Variants in OPCML observed in about 807,000 individuals in gnomAD.
OPCML encodes opioid binding protein/cell adhesion molecule like.
In OPCML, 13 loss-of-function variants were observed where a neutral mutation model predicts 37.8. The observed-to-expected ratio is 0.34, with a 90% CI of 0.22 to 0.55. The LOEUF (loss-of-function observed/expected upper bound fraction) is 0.55. Among genes scored for constraint, OPCML ranks in the 20% least tolerant of loss-of-function variants. The pLI is 0.91. For synonymous variants in OPCML, 176 were observed against 168.8 expected (o/e 1.04, Z -0.33); for missense variants, 341 against 435.6 (o/e 0.78, Z 1.93).
intron 2 of OPCML, among the ~76,000 whole-genome samples, chr11:132,752,270 A>C (rs1263841504): frequency 1.3e-5 from 2 of 152,074 alleles, no homozygotes; most frequent in Non-Finnish European, 2.9e-5. Context: ...ATAAAAAAAA[A>C]AAATTAAAAG....
At chr11:133,006,815 G>GT (rs1373664752) in intron 1 of OPCML, 1 of 985,316 alleles carries the variant, frequency 1.0e-6, no homozygotes, top group Non-Finnish European at 1.2e-6. Flanking sequence ...AGCAGGAGCA[G>GT]TGACACCAGG....
At chr11:132,570,399 G>T (rs1171805142) in intron 3 of OPCML, among the ~76,000 whole-genome samples, 1 of 152,068 alleles carries the variant, frequency 6.6e-6, no homozygotes, top group Admixed American at 6.5e-5. Context: ...GTTTTGAGGG[G>T]AAAGTTTGTG....
chr11:133,017,100 C>T (rs1947348378), intron 1 of OPCML, among the ~76,000 whole-genome samples: 1 of 152,090 alleles, frequency 6.6e-6, no homozygotes, highest in Non-Finnish European at 1.5e-5. Flanking sequence ...TTGGTAAGGG[C>T]TCTCTTCTTG....
rs184657939 is a variant in OPCML at position 132,654,477 on chromosome 11, C to T, written c.379+2610G>A. ...ATCTTCCCCAAGAGAAGCACTTCCC[C>T]AAGGGAAGCTCCTCCCCAAGAGAAG... On this transcript the variant is annotated intron_variant, in intron 3 of 7. Transcript: ENST00000524381. 2.1e-3 allele frequency among the ~76,000 whole-genome samples: 319 copies of T among 151,562 alleles called. 2 individuals are homozygous for T. Among genetic ancestry groups the T allele is most frequent in the Middle Eastern group, 3.4e-3 (1 of 292 alleles).
chr11:132,652,755 C>T (rs948421665), intron 3 of OPCML, among the ~76,000 whole-genome samples: 1 of 152,192 alleles, frequency 6.6e-6, no homozygotes, highest in African/African-American at 2.4e-5. Flanking sequence ...CCTCTCCCCT[C>T]AGGGACCTTT....
rs922617206 is a variant in OPCML, at chr11:133,532,292, C to T, written c.33G>A (p.Ser11=). The change falls in exon 1 of 8, where the codon TCG becomes TCA. Residue 11 remains serine (S), a synonymous_variant. Transcript: ENST00000524381. Reference sequence around the variant, plus strand: ...GGATGAAGAGCAGGGCAGTTGTCGCCGAGAAGACGACCCAGTAGGCAGGAT... The same window carrying T: ...GGATGAAGAGCAGGGCAGTTGTCGCTGAGAAGACGACCCAGTAGGCAGGAT... The part of the protein sequence containing the change: MYHPAYWVVF[S]ATTALLFIPG... 5 of 1,613,974 alleles carry T rather than the reference C, an allele frequency of 3.1e-6. No individual in the cohort carries two copies. The highest frequency in any genetic ancestry group is 1.6e-4 in the Middle Eastern group (1 of 6,062).
rs1389971583 is a variant in OPCML at position 133,327,007 on chromosome 11, ATGGG to A, written c.61+205253_61+205256del. ...TATGTGGGTGAGGGGGTGTGGGTGT[ATGGG>A]GAGGGTGTGTGTATGTGGGTGTGGG... On this transcript the variant is annotated intron_variant, in intron 1 of 7. Transcript: ENST00000524381. 9.4e-4 allele frequency among the ~76,000 whole-genome samples: 37 copies of A among 39,348 alleles called. 1 individual carries two copies. The highest frequency in any genetic ancestry group is 3.7e-3 in the African/African-American group (35 of 9,574). The allele number at this position is 39,348 out of a possible 152,430, so 25.8% of individuals were successfully genotyped here.
At chr11:132,763,896 C>T (rs777875316) in intron 2 of OPCML, among the ~76,000 whole-genome samples, 4 of 152,248 alleles carry the variant, frequency 2.6e-5, no homozygotes, top group Non-Finnish European at 4.4e-5. Context: ...ATTTTGCTCA[C>T]AAACACTAGA....
In OPCML at chr11:133,118,530, A is replaced by G. The variant is rs139891749; in HGVS notation, c.62-175520T>C. The G allele has an allele frequency of 1.8e-5, 10 of 563,276 alleles. No homozygotes were observed. In the African/African-American group the frequency reaches 2.0e-4, roughly 11 times the overall value. The allele number at this position is 563,276 out of a possible 1,614,324, so 34.9% of individuals were successfully genotyped here. A position where few individuals can be genotyped will look rare whatever the true frequency, so the allele number is the denominator to read the frequency against. ...AGAGAATTGCTCAGTAGCAAGACTCATGGAGACATGGAAGTCAAGGGGGCT... is the reference window on the plus strand; with the variant it reads ...AGAGAATTGCTCAGTAGCAAGACTCGTGGAGACATGGAAGTCAAGGGGGCT... On this transcript the variant is annotated intron_variant, in intron 1 of 7. Transcript: ENST00000524381.
Position 132,660,826 on chromosome 11 carries a change from A to T in OPCML, c.147-3507T>A, listed in dbSNP as rs573677053. 4.9e-4 allele frequency among the ~76,000 whole-genome samples: 75 copies of T among 152,286 alleles called. No homozygotes were observed. In the South Asian group the frequency reaches 0.016, roughly 32 times the overall value. On this transcript the variant is annotated intron_variant, in intron 2 of 7. Transcript: ENST00000524381. ...GTCGGCTGATGGAGGTGACAAAGAA[A>T]GCCAAAGAAGTTTATCTCCTGGACG... is the stretch of plus-strand genomic sequence containing the variant.
intron 1 of OPCML, among the ~76,000 whole-genome samples, chr11:133,346,822 T>G (rs2136682528): frequency 6.6e-6 from 1 of 152,170 alleles, no homozygotes; most frequent in South Asian, 2.1e-4. Context: ...AGCTATGGGG[T>G]TTTCTGTGCA....
At chr11:133,331,851 C>T (rs1421508482) in intron 1 of OPCML, among the ~76,000 whole-genome samples, 1 of 152,032 alleles carries the variant, frequency 6.6e-6, no homozygotes, top group Non-Finnish European at 1.5e-5. Context: ...GAAAGTATGG[C>T]CATGGTGGCT....
chr11:133,399,868 T>C (rs765657530), intron 1 of OPCML, among the ~76,000 whole-genome samples: 1 of 148,738 alleles, frequency 6.7e-6, no homozygotes, highest in African/African-American at 2.4e-5. Context: ...ATATATATTA[T>C]ATATATATAA....
At chr11:133,203,989 C>T (rs944433257) in intron 1 of OPCML, among the ~76,000 whole-genome samples, 3 of 126,858 alleles carry the variant, frequency 2.4e-5, no homozygotes, top group African/African-American at 6.0e-5. Context: ...ACCTGGGAGG[C>T]GGAGCTTGCA....
chr11:132,484,554 C>T (rs1459397773), intron 4 of OPCML, among the ~76,000 whole-genome samples: 2 of 152,168 alleles, frequency 1.3e-5, no homozygotes, highest in Admixed American at 1.3e-4. Context: ...TTGACCCAGC[C>T]ATCCCATTAC....
chr11:133,086,498 C>T (rs1450298711), intron 1 of OPCML, among the ~76,000 whole-genome samples: 1 of 152,134 alleles, frequency 6.6e-6, no homozygotes, highest in African/African-American at 2.4e-5. Flanking sequence ...CTCTTTACCC[C>T]ATCTTCTTCC....
chr11:132,612,478 G>T (rs140406831), intron 3 of OPCML, among the ~76,000 whole-genome samples: 1,923 of 152,218 alleles, frequency 0.013, 16 homozygotes, highest in Middle Eastern at 0.02. Flanking sequence ...GTTTTATCTT[G>T]AGCATCTCCT....
At chr11:133,457,071 A>G (rs1024170441) in intron 1 of OPCML, among the ~76,000 whole-genome samples, 3 of 152,188 alleles carry the variant, frequency 2.0e-5, no homozygotes, top group Non-Finnish European at 2.9e-5. Context: ...ATTATTATCA[A>G]CCTGTTGACA....
At chr11:133,204,864 A>G (rs12792325) in intron 1 of OPCML, among the ~76,000 whole-genome samples, 21,632 of 69,732 alleles carry the variant, frequency 0.31, 2,250 homozygotes, top group African/African-American at 0.42. Flanking sequence ...ATATATATAT[A>G]TGTGTATATA....
Sources: gnomAD v4.1 joint callset for allele counts (sites outside exome capture counted in the v4.1 genomes callset) on GRCh38, gnomAD v4.1.1 for gene constraint, MANE v1.5 for transcripts, NCBI Gene and HGNC (gene_info 2026-07-23, HGNC 2026-07-21) for gene names.